The following DDX46 variants were observed in gnomAD, a reference collection of about 807,000 sequenced individuals.
The protein encoded by DDX46 is DEAD-box helicase 46, also known as probable ATP-dependent RNA helicase DDX46.
A neutral mutation model predicts 134.9 loss-of-function variants in DDX46; 30 were observed. The observed-to-expected ratio is 0.22, with a 90% CI of 0.17 to 0.30. The LOEUF (loss-of-function observed/expected upper bound fraction) is 0.30, where lower values mean the gene tolerates loss of function less well. Among genes scored for constraint, DDX46 ranks in the 10% least tolerant of loss-of-function variants. The pLI is 1.00. For synonymous variants in DDX46, 415 were observed against 404.1 expected, an observed-to-expected ratio of 1.03 and a Z score of -0.32; for missense variants, 622 against 1,248.7, an observed-to-expected ratio of 0.50 and a Z score of 7.56.
intron 1 of DDX46, among the ~76,000 whole-genome samples, chr5:134,762,141 C>T (rs1240241883): frequency 1.3e-5 from 2 of 151,544 alleles, no homozygotes; most frequent in African/African-American, 4.9e-5. Flanking sequence ...TAGTGGCACA[C>T]GCTTTTATGC....
In DDX46 at chr5:134,763,954, G is replaced by C; in HGVS notation, c.68G>C (p.Arg23Thr). 5.0e-6 allele frequency: 8 copies of C among 1,614,210 alleles called. No individual in the cohort carries two copies. The highest frequency in any genetic ancestry group is 6.8e-6 in the Non-Finnish European group (8 of 1,180,044). The change falls in exon 2 of 23, where the codon AGA (arginine) becomes ACA (threonine). Residue 23 changes from arginine (R) to threonine (T), a missense_variant. Transcript: ENST00000452510. ...CGGGGTCGCTCTGGAAGTCGGTCTA[G>C]AAGTCGCTCACCCTCAGACAAAAGA... ...ASRGRSGSRS[R>T]SRSPSDKRSK...
intron 1 of DDX46, among the ~76,000 whole-genome samples, chr5:134,759,904 C>G (rs1012335960): frequency 6.6e-6 from 1 of 152,190 alleles, no homozygotes; most frequent in African/African-American, 2.4e-5. Context: ...GACCAGAAAT[C>G]TGAAAGTGAT....
intron 1 of DDX46, 86 bp from the exon 2 acceptor site, chr5:134,763,818 C>A: frequency 7.0e-7 from 1 of 1,424,708 alleles, no homozygotes. Flanking sequence ...AATTTGTCTG[C>A]TGAAATTATT....
chr5:134,796,041 T>C lies in DDX46; in HGVS notation c.1845T>C (p.His615=), dbSNP rs146360120. The stretch of plus-strand genomic sequence containing the variant: ...TGAAGTTACTTGAGCTTCTAGGCCA[T>C]TATCAAGAGTCAGGATCTGTCATTA... ...KFLKLLELLG[H]YQESGSVIIF... Residue 615 remains histidine, a synonymous_variant, in exon 15 of 23, where the codon CAT becomes CAC. Coordinates refer to ENST00000452510, the MANE Select transcript of DDX46 (RefSeq NM_001300860.2). The C allele has an allele frequency of 2.5e-6, 4 of 1,613,820 alleles. No homozygotes were observed. The African/African-American group carries it at 5.3e-5, about 22-fold the overall frequency.
intron 4 of DDX46, among the ~76,000 whole-genome samples, chr5:134,772,717 A>C (rs1383058898): frequency 2.0e-5 from 3 of 152,022 alleles, no homozygotes; most frequent in African/African-American, 4.8e-5. Flanking sequence ...TGTTGGCCAG[A>C]CTGGTCTTGA....
chr5:134,807,907 AC>A lies in DDX46; in HGVS notation c.2115del (p.His705GlnfsTer30). The A allele has an allele frequency of 6.2e-7, 1 of 1,614,078 alleles. No homozygotes were observed. The highest frequency in any genetic ancestry group is 8.5e-7 in the Non-Finnish European group (1 of 1,179,950). ...SCPNHYEDYV[H>X]RAGRTGRAGN... Reference sequence around the variant, plus strand: ...CCCAACCATTATGAGGATTATGTACACAGAGCAGGGCGGACTGGAAGAGCAG... The same window carrying A: ...CCCAACCATTATGAGGATTATGTACAAGAGCAGGGCGGACTGGAAGAGCAG... On this transcript the variant is annotated frameshift_variant, in exon 16 of 23. Coordinates refer to ENST00000452510, the MANE Select transcript of DDX46 (RefSeq NM_001300860.2). LOFTEE classifies it high-confidence loss of function.
intron 11 of DDX46, among the ~76,000 whole-genome samples, chr5:134,785,867 G>A (rs796231827): frequency 9.7e-5 from 14 of 144,592 alleles, no homozygotes; most frequent in African/African-American, 3.6e-4. Context: ...TTTCTTTTTT[G>A]AGATGGAGTC....
intron 9 of DDX46, among the ~76,000 whole-genome samples, chr5:134,783,320 C>G (rs1395205388): frequency 6.6e-6 from 1 of 151,060 alleles, no homozygotes; most frequent in South Asian, 2.1e-4. Flanking sequence ...TGCAATCTCA[C>G]TGCGCTCACT....
intron 5 of DDX46, among the ~76,000 whole-genome samples, chr5:134,775,725 C>CTCG (rs1439284701): frequency 6.6e-6 from 1 of 152,166 alleles, no homozygotes; most frequent in Non-Finnish European, 1.5e-5. Flanking sequence ...AACGCCTGAC[C>CTCG]TCGTGATCCA....
intron 20 of DDX46, 83 bp downstream of exon 20, chr5:134,817,797 A>G: frequency 9.0e-7 from 1 of 1,112,656 alleles, no homozygotes; most frequent in Non-Finnish European, 1.3e-6. Context: ...AAACCCATGA[A>G]CATTTTAATA....
intron 15 of DDX46, among the ~76,000 whole-genome samples, chr5:134,798,555 A>G (rs774064624): frequency 9.2e-5 from 14 of 152,184 alleles, no homozygotes; most frequent in African/African-American, 1.7e-4. Flanking sequence ...TATATTCACA[A>G]TGCTATAACC....
At chr5:134,759,698 TTTG>T (rs1753318371) in intron 1 of DDX46, among the ~76,000 whole-genome samples, 1 of 152,210 alleles carries the variant, frequency 6.6e-6, no homozygotes, top group African/African-American at 2.4e-5. Flanking sequence ...AATGAAGGCT[TTTG>T]TTGTTAGTGC....
At chr5:134,822,664 A>G (rs1269009589) in intron 21 of DDX46, among the ~76,000 whole-genome samples, 1 of 152,088 alleles carries the variant, frequency 6.6e-6, no homozygotes, top group Admixed American at 6.6e-5. Flanking sequence ...GCAATGACCC[A>G]GTCACAGCTC....
At chr5:134,759,944 A>G (rs1235283888) in intron 1 of DDX46, among the ~76,000 whole-genome samples, 1 of 152,098 alleles carries the variant, frequency 6.6e-6, no homozygotes, top group African/African-American at 2.4e-5. Context: ...CTCTCTCACT[A>G]CCCACAGCCT....
chr5:134,826,898 C>G, intron 21 of DDX46, 49 bp from the exon 22 acceptor site: 1 of 1,576,564 alleles, frequency 6.3e-7, no homozygotes, highest in Non-Finnish European at 8.7e-7. Flanking sequence ...TGGGTAAACA[C>G]AGTGTAAGTT....
In DDX46 at chr5:134,782,178, A is replaced by G. The variant is rs1422363828; in HGVS notation, c.1045+92A>G. 3.1e-6 allele frequency: 4 copies of G among 1,270,598 alleles called. No individual in the cohort carries two copies. The Admixed American group carries it at 1.2e-4, about 39-fold the overall frequency. The allele number at this position is 1,270,598 out of a possible 1,614,324, so 78.7% of individuals were successfully genotyped here. A position where few individuals can be genotyped will look rare whatever the true frequency, so the allele number is the denominator to read the frequency against. ...AGAGAAATGTGGATAGTGTCTCATG[A>G]AGGAGGGTGTTTTGGAAATATTTTT... On this transcript the variant is annotated intron_variant, in intron 8 of 22. Transcript: ENST00000452510.
intron 5 of DDX46, among the ~76,000 whole-genome samples, chr5:134,775,780 T>A (rs75746997): frequency 0.012 from 1,805 of 152,230 alleles, 37 homozygotes; most frequent in African/African-American, 0.041. Context: ...GTGTGAGCCA[T>A]TACGCCCAGC....
At chr5:134,782,228 A>ACC in intron 8 of DDX46, 142 bp downstream of exon 8, 1 of 952,078 alleles carries the variant, frequency 1.1e-6, no homozygotes, top group Non-Finnish European at 1.5e-6. Context: ...TTAATTGGCC[A>ACC]GCTGCGGTGG....
Position 134,767,033 on chromosome 5 carries a change from G to A in DDX46, c.323G>A (p.Gly108Glu). 3 of 1,613,632 alleles carry A rather than the reference G, an allele frequency of 1.9e-6. No individual in the cohort carries two copies. The highest frequency in any genetic ancestry group is 2.5e-6 in the Non-Finnish European group (3 of 1,179,866). Residue 108 changes from glycine (G) to glutamate (E), a missense_variant, in exon 3 of 23, where the codon GGA (glycine) becomes GAA (glutamate). By Grantham distance (98) the Gly-to-Glu change is moderately conservative (BLOSUM62 -2). Coordinates refer to ENST00000452510, the MANE Select transcript of DDX46 (RefSeq NM_001300860.2). ...CGGCGATCCCGATCCTCCAGTCCTGGAAATAAAAGCAAGAAAACTGAGAAT... is the reference window on the plus strand; with the variant it reads ...CGGCGATCCCGATCCTCCAGTCCTGAAAATAAAAGCAAGAAAACTGAGAAT... Reference protein sequence around the residue: ...RGRRSRSSSPGNKSKKTENRS... With the variant: ...RGRRSRSSSPENKSKKTENRS...
Sources: gnomAD v4.1 joint callset for allele counts (sites outside exome capture counted in the v4.1 genomes callset) on GRCh38, gnomAD v4.1.1 for gene constraint, MANE v1.5 for transcripts, NCBI Gene and HGNC (gene_info 2026-07-23, HGNC 2026-07-21) for gene names.